Variants in CNTN4 observed in about 807,000 individuals in gnomAD.
CNTN4 encodes the protein contactin-4.
In CNTN4, 77 loss-of-function variants were observed where a neutral mutation model predicts 122.5. The ratio of observed to expected loss-of-function variants is 0.63; its 90% CI spans 0.52 to 0.76. The LOEUF (loss-of-function observed/expected upper bound fraction) is 0.76, where lower values mean the gene tolerates loss of function less well. CNTN4 is among the 30% of genes least tolerant of loss of function. The pLI is 0.00. For missense variants in CNTN4, 1,256 were observed against 1,259.1 expected (o/e 1.00, Z 0.04); for synonymous variants, 512 against 447.0 (o/e 1.15, Z -1.83).
chr3:2,739,008 A>G (rs2089302859), intron 5 of CNTN4, among the ~76,000 whole-genome samples: 1 of 152,132 alleles, frequency 6.6e-6, no homozygotes, highest in Non-Finnish European at 1.5e-5. Context: ...TGGGTAAGGG[A>G]TTCATATCCA....
Position 2,729,407 on chromosome 3 carries a change from T to C in CNTN4, c.56-6808T>C, listed in dbSNP as rs1032655117. ...AAATTAACAAAAAATTAGCCGGGCG[T>C]GGTGGCAGGCGCCTGTATTTCCAGC... On this transcript the variant is annotated intron_variant, in intron 4 of 24. Transcript: ENST00000418658. Among the ~76,000 whole-genome samples the C allele has an allele frequency of 3.7e-4, 55 of 148,572 alleles. 2 individuals are homozygous for C. Among genetic ancestry groups the C allele is most frequent in the African/African-American group, 1.2e-3 (49 of 39,672 alleles).
At chr3:2,916,905 C>A (rs1252399311) in intron 12 of CNTN4, among the ~76,000 whole-genome samples, 1 of 149,522 alleles carries the variant, frequency 6.7e-6, no homozygotes, top group Non-Finnish European at 1.5e-5. Context: ...GGGGTGGCGG[C>A]CGGGCAGAGG....
chr3:2,387,751 GACACTGGTTTTAAGGGAT>G (rs2046302509), intron 3 of CNTN4, among the ~76,000 whole-genome samples: 2 of 152,262 alleles, frequency 1.3e-5, no homozygotes, highest in South Asian at 4.2e-4. Context: ...CAAGAGTTGA[GACACTGGTTTTAAGGGAT>G]ACACTTCCAT....
chr3:2,938,927 A>G (rs1308817076), intron 13 of CNTN4, among the ~76,000 whole-genome samples: 1 of 152,192 alleles, frequency 6.6e-6, no homozygotes, highest in Non-Finnish European at 1.5e-5. Flanking sequence ...ATTAGAACTG[A>G]AGTGATGTGA....
At chr3:2,777,322 A>G (rs547225285) in intron 6 of CNTN4, among the ~76,000 whole-genome samples, 1 of 152,358 alleles carries the variant, frequency 6.6e-6, no homozygotes, top group South Asian at 2.1e-4. Flanking sequence ...CACTAAATTT[A>G]GTAAAGAAAG....
chr3:2,766,414 T>TA (rs1374951371), intron 6 of CNTN4, among the ~76,000 whole-genome samples: 3 of 152,026 alleles, frequency 2.0e-5, no homozygotes, highest in African/African-American at 7.3e-5. Context: ...CACTCAACCA[T>TA]AAAAAGAGAA....
intron 2 of CNTN4, among the ~76,000 whole-genome samples, chr3:2,293,009 C>A (rs1447521441): frequency 6.6e-6 from 1 of 152,204 alleles, no homozygotes; most frequent in Non-Finnish European, 1.5e-5. Flanking sequence ...TACACTGTTA[C>A]CAACAATGCA....
chr3:2,872,878 A>G (rs2093802583), intron 8 of CNTN4, among the ~76,000 whole-genome samples: 1 of 152,168 alleles, frequency 6.6e-6, no homozygotes, highest in East Asian at 1.9e-4. Flanking sequence ...ATGTTTATGT[A>G]TGTTCTCAAA....
chr3:2,460,654 G>A (rs963575303), intron 3 of CNTN4, among the ~76,000 whole-genome samples: 5 of 152,082 alleles, frequency 3.3e-5, no homozygotes, highest in Admixed American at 6.5e-5. Context: ...TTCATGTTTC[G>A]CTTTGGGTAG....
At chr3:2,895,837 A>G (rs538636454) in intron 10 of CNTN4, among the ~76,000 whole-genome samples, 2 of 152,166 alleles carry the variant, frequency 1.3e-5, no homozygotes, top group African/African-American at 4.8e-5. Context: ...GATCGAGACC[A>G]TCCTGGCTAA....
At chr3:2,647,067 A>G (rs949794438) in intron 4 of CNTN4, among the ~76,000 whole-genome samples, 2 of 152,122 alleles carry the variant, frequency 1.3e-5, no homozygotes, top group Admixed American at 6.6e-5. Context: ...AAATGTAAGC[A>G]TATCTGTGTA....
chr3:2,910,466 TAAAAG>T (rs2094287998), intron 12 of CNTN4, among the ~76,000 whole-genome samples: 1 of 152,194 alleles, frequency 6.6e-6, no homozygotes, highest in Non-Finnish European at 1.5e-5. Flanking sequence ...ACTTCTCTCT[TAAAAG>T]AAGAAAAGTT....
At chr3:2,560,863 A>G (rs1172152416) in intron 3 of CNTN4, among the ~76,000 whole-genome samples, 2 of 152,208 alleles carry the variant, frequency 1.3e-5, no homozygotes, top group Admixed American at 6.5e-5. Flanking sequence ...TAAGTAAAGG[A>G]TAGAGTGCCG....
chr3:2,838,031 A>C (rs1392755912), intron 7 of CNTN4, among the ~76,000 whole-genome samples: 1 of 152,208 alleles, frequency 6.6e-6, no homozygotes, highest in Admixed American at 6.5e-5. Context: ...TTAAATGCAG[A>C]GGTTCAGGGC....
intron 3 of CNTN4, among the ~76,000 whole-genome samples, chr3:2,357,475 T>G (rs1050429065): frequency 6.6e-6 from 1 of 152,220 alleles, no homozygotes; most frequent in Non-Finnish European, 1.5e-5. Context: ...CTTAATTCAC[T>G]ATCGCTGTCT....
At chr3:2,699,164 C>T (rs1409345984) in intron 4 of CNTN4, among the ~76,000 whole-genome samples, 1 of 152,100 alleles carries the variant, frequency 6.6e-6, no homozygotes, top group African/African-American at 2.4e-5. Context: ...ATCACTCAGC[C>T]CTAAAATACA....
At chr3:2,591,875 T>A (rs188815033) in intron 4 of CNTN4, among the ~76,000 whole-genome samples, 10 of 152,204 alleles carry the variant, frequency 6.6e-5, no homozygotes, top group South Asian at 2.1e-4. Flanking sequence ...GTTTTTATTT[T>A]TTTATTTATT....
chr3:2,791,402 G>A (rs1332026733), intron 6 of CNTN4, among the ~76,000 whole-genome samples: 5 of 151,896 alleles, frequency 3.3e-5, no homozygotes, highest in African/African-American at 9.7e-5. Context: ...GCATGGTGGC[G>A]TGTACCTCTA....
intron 4 of CNTN4, among the ~76,000 whole-genome samples, chr3:2,696,501 C>A (rs556297229): frequency 6.6e-6 from 1 of 152,178 alleles, no homozygotes; most frequent in Admixed American, 6.6e-5. Flanking sequence ...CCCCTTCAGA[C>A]GACACAGCCT....
Sources: gnomAD v4.1 joint callset for allele counts (sites outside exome capture counted in the v4.1 genomes callset) on GRCh38, gnomAD v4.1.1 for gene constraint, MANE v1.5 for transcripts, NCBI Gene and HGNC (gene_info 2026-07-23, HGNC 2026-07-21) for gene names.